PDE3A: variants seen among roughly 807,000 people sequenced by gnomAD.
The protein encoded by PDE3A is cGMP-inhibited 3',5'-cyclic phosphodiesterase 3A.
In PDE3A, 43 loss-of-function variants were observed where a neutral mutation model predicts 98.3. That is an observed-to-expected ratio of 0.44 (90% CI 0.34 to 0.56). PDE3A has a LOEUF of 0.56. Ranked by LOEUF, PDE3A falls within the 20% of genes least tolerant of loss-of-function variation. PDE3A has a pLI of 0.01. For synonymous variants in PDE3A, 663 were observed against 567.9 expected, an observed-to-expected ratio of 1.17 and a Z score of -2.38; for missense variants, 1,427 against 1,440.7, an observed-to-expected ratio of 0.99 and a Z score of 0.15.
intron 1 of PDE3A, among the ~76,000 whole-genome samples, chr12:20,515,580 G>T (rs933069635): frequency 2.4e-4 from 37 of 152,104 alleles, no homozygotes; most frequent in Admixed American, 1.3e-3. Flanking sequence ...GGTTACACTG[G>T]AAAGAATCTA....
Position 20,675,486 on chromosome 12 carries a change from T to A in PDE3A, c.3185-4544T>A, listed in dbSNP as rs766158759. On this transcript the variant is annotated intron_variant, in intron 15 of 15. Coordinates refer to ENST00000359062, the MANE Select transcript of PDE3A (RefSeq NM_000921.5). ...ATTAATTTTCTGTCTAGATGAGCTG[T>A]CTGGTTCTGAGAGTGGGATGTTGAA... 8.3e-4 allele frequency among the ~76,000 whole-genome samples: 127 copies of A among 152,196 alleles called. 1 individual carries two copies. Among genetic ancestry groups the A allele is most frequent in the Non-Finnish European group, 1.1e-3 (76 of 68,016 alleles).
intron 12 of PDE3A, among the ~76,000 whole-genome samples, 176 bp from the exon 13 acceptor site, chr12:20,648,512 C>G (rs1435325065): frequency 6.6e-6 from 1 of 151,864 alleles, no homozygotes; most frequent in Non-Finnish European, 1.5e-5. Flanking sequence ...GAAATTTAAC[C>G]AAGAAAAATA....
At chr12:20,604,387 CTT>C (rs938670135) in intron 2 of PDE3A, among the ~76,000 whole-genome samples, 1 of 152,092 alleles carries the variant, frequency 6.6e-6, no homozygotes, top group African/African-American at 2.4e-5. Context: ...ATGAAAAAAA[CTT>C]TCTCTTATAT....
rs182976478 is a variant in PDE3A, at chr12:20,534,545, A to C, written c.961-22115A>C. Among the ~76,000 whole-genome samples, 80 of 152,302 alleles carry C rather than the reference A, an allele frequency of 5.3e-4. 1 individual carries two copies. In the East Asian group the frequency reaches 0.01, roughly 20 times the overall value. ...TCATCCATATTCACATTTATACTTT[A>C]AGTGCAATGTCCTGAGTGAGACAAA... On this transcript the variant is annotated intron_variant, in intron 1 of 15. Transcript: ENST00000359062.
intron 2 of PDE3A, among the ~76,000 whole-genome samples, chr12:20,595,025 C>T (rs1439862575): frequency 4.6e-5 from 7 of 151,980 alleles, no homozygotes; most frequent in Non-Finnish European, 7.4e-5. Context: ...AGAATATTTT[C>T]AACTGTAAAT....
chr12:20,592,874 T>C (rs895072601), intron 2 of PDE3A, among the ~76,000 whole-genome samples: 1 of 152,158 alleles, frequency 6.6e-6, no homozygotes, highest in Non-Finnish European at 1.5e-5. Context: ...CTCTAAACAG[T>C]TGAGAACCAT....
At chr12:20,660,739 A>G (rs931253961) in intron 15 of PDE3A, among the ~76,000 whole-genome samples, 2 of 152,112 alleles carry the variant, frequency 1.3e-5, no homozygotes, top group Non-Finnish European at 2.9e-5. Context: ...GCCTTCCTGT[A>G]TGATTGTGAG....
intron 1 of PDE3A, among the ~76,000 whole-genome samples, chr12:20,418,001 T>G (rs775369378): frequency 3.7e-4 from 56 of 152,118 alleles, no homozygotes; most frequent in Non-Finnish European, 7.3e-5. Flanking sequence ...TTGCAGGCTG[T>G]CTGTCTCTGA....
At position 20,654,074 on chromosome 12, in the gene PDE3A, C is replaced by T. The variant is rs776272028; in HGVS notation, c.3053C>T (p.Ser1018Leu). The change falls in exon 15 of 16, where the codon TCA becomes TTA. Residue 1018 changes from serine (S) to leucine (L), a missense_variant. Around this residue, in one of 3 missense-constraint regions of PDE3A, gnomAD observed 273 missense variants for 420.3 expected, o/e 0.65. Coordinates refer to ENST00000359062, the MANE Select transcript of PDE3A (RefSeq NM_000921.5). ...IVGPLCNSYD[S>L]AGLMPGKWVE... ...GGGCCTCTGTGCAACTCCTATGATT[C>T]AGCAGGACTAATGCCTGGAAAATGG... is the stretch of plus-strand genomic sequence containing the variant. 1.9e-6 allele frequency: 3 copies of T among 1,614,096 alleles called. No homozygotes were observed. The highest frequency in any genetic ancestry group is 4.5e-5 in the East Asian group (2 of 44,870).
At chr12:20,529,941 CTTT>C (rs1202478228) in intron 1 of PDE3A, among the ~76,000 whole-genome samples, 1 of 152,020 alleles carries the variant, frequency 6.6e-6, no homozygotes, top group Non-Finnish European at 1.5e-5. Flanking sequence ...AGAAATAAAA[CTTT>C]TTAATTTCTT....
chr12:20,618,974 C>T lies in PDE3A; in HGVS notation c.1425-2322C>T, dbSNP rs371289082. On this transcript the variant is annotated intron_variant, in intron 4 of 15. Coordinates refer to ENST00000359062, the MANE Select transcript of PDE3A (RefSeq NM_000921.5). ...CATCACAGGCACATAGATAATTTTCCTCTGCTGTGCCAGCATGAGAAAACC... is the reference window on the plus strand; with the variant it reads ...CATCACAGGCACATAGATAATTTTCTTCTGCTGTGCCAGCATGAGAAAACC... 1.2e-3 allele frequency among the ~76,000 whole-genome samples: 188 copies of T among 152,122 alleles called. 1 individual carries two copies. The highest frequency in any genetic ancestry group is 4.3e-3 in the African/African-American group (179 of 41,518).
chr12:20,507,200 G>A (rs543863930), intron 1 of PDE3A, among the ~76,000 whole-genome samples: 1 of 151,980 alleles, frequency 6.6e-6, no homozygotes, highest in East Asian at 1.9e-4. Context: ...ATGCTACATA[G>A]CTAATGGAAA....
At chr12:20,621,467 A>C in intron 5 of PDE3A, 56 bp downstream of exon 5, 1 of 914,136 alleles carries the variant, frequency 1.1e-6, no homozygotes, top group Non-Finnish European at 1.8e-6. Flanking sequence ...TCTAGAGTAA[A>C]CCAGACCTTA....
rs757567437 is a variant in PDE3A, at chr12:20,369,891, T to G, written c.607T>G (p.Trp203Gly). 3.1e-6 allele frequency: 5 copies of G among 1,613,210 alleles called. No individual in the cohort carries two copies. The highest frequency in any genetic ancestry group is 4.2e-6 in the Non-Finnish European group (5 of 1,179,798). ...GCTCAGCTGCTTGGCCGCCGCGACATGGCTGGTGCTGAGGCTGAGGCTGGG... is the reference window on the plus strand; with the variant it reads ...GCTCAGCTGCTTGGCCGCCGCGACAGGGCTGGTGCTGAGGCTGAGGCTGGG... ...VVLSCLAAAT[W>G]LVLRLRLGVL... Residue 203 changes from tryptophan to glycine, a missense_variant, in exon 1 of 16, where the codon TGG becomes GGG. Physicochemically the swap from Trp to Gly is radical, Grantham distance 184. Transcript: ENST00000359062.
chr12:20,377,996 G>A (rs1014363449), intron 1 of PDE3A, among the ~76,000 whole-genome samples: 2 of 151,696 alleles, frequency 1.3e-5, no homozygotes, highest in Admixed American at 6.6e-5. Context: ...TGTAACTTAG[G>A]AAACTAAAAG....
intron 1 of PDE3A, among the ~76,000 whole-genome samples, chr12:20,550,214 C>T (rs1389923475): frequency 6.6e-6 from 1 of 152,014 alleles, no homozygotes; most frequent in Non-Finnish European, 1.5e-5. Context: ...AATTTACCAC[C>T]TTATTTTGAT....
intron 2 of PDE3A, among the ~76,000 whole-genome samples, chr12:20,579,252 TA>T (rs1943009651): frequency 6.6e-6 from 1 of 152,242 alleles, no homozygotes; most frequent in Non-Finnish European, 1.5e-5. Flanking sequence ...ATAGGATTTA[TA>T]ACGGGTGTGG....
chr12:20,615,045 G>A (rs371710995), intron 3 of PDE3A, among the ~76,000 whole-genome samples: 5 of 126,576 alleles, frequency 4.0e-5, no homozygotes, highest in East Asian at 2.4e-4. Context: ...TTTTTGAGAC[G>A]GAGTCTTACT....
intron 1 of PDE3A, among the ~76,000 whole-genome samples, chr12:20,423,812 C>A (rs1209232458): frequency 6.6e-6 from 1 of 152,086 alleles, no homozygotes; most frequent in East Asian, 1.9e-4. Context: ...TGGCTGAGAT[C>A]ATATGCACTT....
Sources: gnomAD v4.1 joint callset for allele counts (sites outside exome capture counted in the v4.1 genomes callset) on GRCh38, gnomAD v4.1.1 for gene constraint, gnomAD v4.1.1 regional missense constraint, MANE v1.5 for transcripts, NCBI Gene and HGNC (gene_info 2026-07-23, HGNC 2026-07-21) for gene names.